The following ZFHX3 variants were observed in gnomAD, a reference collection of about 807,000 sequenced individuals.
The protein encoded by ZFHX3 is zinc finger homeobox 3, also known as zinc finger homeobox protein 3.
A neutral mutation model predicts 279.1 loss-of-function variants in ZFHX3; 42 were observed. The ratio of observed to expected loss-of-function variants is 0.15; its 90% CI spans 0.12 to 0.19. ZFHX3 has a LOEUF of 0.19. ZFHX3 is among the 10% of genes least tolerant of loss of function. The probability of loss-of-function intolerance (pLI) is 1.00; values close to 1 mark genes in which losing one functional copy is unlikely to be tolerated. For missense variants in ZFHX3, 4,981 were observed against 4,754.0 expected (o/e 1.05, Z -1.40); for synonymous variants, 2,293 against 1,957.8 (o/e 1.17, Z -4.52).
chr16:73,425,556 C>T (rs929235316), intron 3 of ZFHX3, among the ~76,000 whole-genome samples: 2 of 152,186 alleles, frequency 1.3e-5, no homozygotes, highest in South Asian at 2.1e-4. Flanking sequence ...GAAACCAGAG[C>T]CTAGGTGTTT....
At chr16:73,058,736 G>C in exon 1 of ZFHX3, 1 of 157,046 alleles carries the variant, frequency 6.4e-6, no homozygotes, top group Admixed American at 6.6e-5. Flanking sequence ...CGGAGCTGGA[G>C]CGCGCTCGGC....
chr16:72,991,932 G>A (rs946395462), intron 1 of ZFHX3, among the ~76,000 whole-genome samples: 2 of 152,208 alleles, frequency 1.3e-5, no homozygotes, highest in Non-Finnish European at 2.9e-5. Context: ...AATTGCTCGG[G>A]ATGATGCTAA....
intron 5 of ZFHX3, among the ~76,000 whole-genome samples, chr16:73,188,588 C>T (rs1027114819): frequency 6.6e-6 from 1 of 152,174 alleles, no homozygotes; most frequent in Non-Finnish European, 1.5e-5. Flanking sequence ...CCTGACTAAA[C>T]TATTGTGAAG....
intron 1 of ZFHX3, among the ~76,000 whole-genome samples, chr16:73,753,158 C>T (rs983166946): frequency 2.0e-5 from 3 of 152,156 alleles, no homozygotes; most frequent in Non-Finnish European, 2.9e-5. Context: ...CCATAAGCTA[C>T]ATTCAGGCAT....
intron 1 of ZFHX3, among the ~76,000 whole-genome samples, chr16:72,980,778 A>G (rs903783346): frequency 1.3e-5 from 2 of 152,134 alleles, no homozygotes; most frequent in African/African-American, 2.4e-5. Context: ...TTGTTAGGGA[A>G]TAATATTATG....
At chr16:73,054,443 T>C (rs1234714036) in intron 1 of ZFHX3, among the ~76,000 whole-genome samples, 2 of 31,158 alleles carry the variant, frequency 6.4e-5, no homozygotes, top group Non-Finnish European at 1.2e-4. Context: ...ACCAGGAGGA[T>C]TTTTTTTTTT....
At chr16:73,011,677 C>T (rs959143244) in intron 1 of ZFHX3, among the ~76,000 whole-genome samples, 13 of 151,890 alleles carry the variant, frequency 8.6e-5, no homozygotes, top group South Asian at 2.1e-4. Context: ...GCATGGATAT[C>T]ATGCCACTGC....
At position 72,997,479 on chromosome 16, in the gene ZFHX3, C is replaced by A. The variant is rs908954112; in HGVS notation, c.-49-37285G>T. Among the ~76,000 whole-genome samples the A allele has an allele frequency of 2.6e-5, 4 of 152,186 alleles. No individual in the cohort carries two copies. In the East Asian group the frequency reaches 7.7e-4, roughly 29 times the overall value. On this transcript the variant is annotated intron_variant, in intron 1 of 9. Transcript: ENST00000268489. ...TGCCTCTGCCTCACCAAGGAGGCAGCGACTCAGTCTTCTCGCTACACATCT... is the reference window on the plus strand; with the variant it reads ...TGCCTCTGCCTCACCAAGGAGGCAGAGACTCAGTCTTCTCGCTACACATCT...
intron 1 of ZFHX3, among the ~76,000 whole-genome samples, chr16:73,800,686 G>T (rs921721498): frequency 6.6e-6 from 1 of 152,040 alleles, no homozygotes; most frequent in East Asian, 1.9e-4. Flanking sequence ...TTTCTCAATT[G>T]GTTTCTGAGT....
intron 1 of ZFHX3, among the ~76,000 whole-genome samples, chr16:73,687,815 T>TG (rs2053105314): frequency 1.5e-5 from 2 of 134,648 alleles, no homozygotes; most frequent in African/African-American, 6.0e-5. Context: ...GCCACTGCAC[T>TG]CCAAACTGGT....
rs2143419936 is a variant in ZFHX3, at chr16:72,795,710, G to A, written c.6972C>T (p.Ser2324=). The change falls in exon 9 of 10, where the codon AGC becomes AGT. Residue 2324 remains serine, a synonymous_variant. Coordinates refer to ENST00000268489, the MANE Select transcript of ZFHX3 (RefSeq NM_006885.4). ...ELTNDRYIRT[S]NLNYQCKKCS... The stretch of plus-strand genomic sequence containing the variant: ...ATTTTTTGCACTGGTAGTTCAAGTT[G>A]CTTGTTCGAATGTATCTATCATTTG... The A allele has an allele frequency of 1.9e-6, 3 of 1,614,088 alleles. No individual in the cohort carries two copies. The highest frequency in any genetic ancestry group is 2.5e-6 in the Non-Finnish European group (3 of 1,180,018).
chr16:73,309,910 T>G (rs2015285538), intron 4 of ZFHX3, among the ~76,000 whole-genome samples: 1 of 66,342 alleles, frequency 1.5e-5, no homozygotes, highest in African/African-American at 7.2e-5. Context: ...TCTTGCCTTT[T>G]TTTTTTTTTT....
rs1212765553 is a variant in ZFHX3 at position 72,829,814 on chromosome 16, T to C, written c.3494A>G (p.Asp1165Gly). 2 of 1,614,194 alleles carry C rather than the reference T, an allele frequency of 1.2e-6. No individual in the cohort carries two copies. Among genetic ancestry groups the C allele is most frequent in the Non-Finnish European group, 1.7e-6 (2 of 1,180,030 alleles). Reference protein sequence around the residue: ...DVEGPSETAADPEELAKDQEG... With the variant: ...DVEGPSETAAGPEELAKDQEG... ...TTGGTCCTTAGCAAGCTCCTCTGGA[T>C]CAGCAGCTGTTTCACTGGGTCCTTC... Residue 1165 changes from aspartate (D) to glycine (G), a missense_variant, in exon 5 of 10, where the codon GAT (aspartate) becomes GGT (glycine). Around this residue, in one of 7 missense-constraint regions of ZFHX3, gnomAD observed 1,751 missense variants for 1,770.0 expected, o/e 0.99. Transcript: ENST00000268489.
chr16:73,548,479 T>TTTA (rs71156171), intron 2 of ZFHX3, among the ~76,000 whole-genome samples: 27 of 150,484 alleles, frequency 1.8e-4, no homozygotes, highest in African/African-American at 4.6e-4. Context: ...TTTTTTTTTT[T>TTTA]AAAAAAAAGT....
chr16:73,130,027 G>A (rs1966649484), intron 7 of ZFHX3, among the ~76,000 whole-genome samples: 1 of 152,112 alleles, frequency 6.6e-6, no homozygotes, highest in Non-Finnish European at 1.5e-5. Flanking sequence ...GAATGCAGAG[G>A]CGAAAGCTCT....
chr16:73,136,445 C>T (rs867990732), intron 6 of ZFHX3, among the ~76,000 whole-genome samples: 7 of 151,930 alleles, frequency 4.6e-5, no homozygotes, highest in Middle Eastern at 3.4e-3. Flanking sequence ...TAATGGCCAA[C>T]GGGAGCGGTG....
chr16:73,651,680 C>CAAAAAAAAAAAA (rs57386925), intron 2 of ZFHX3, among the ~76,000 whole-genome samples: 1 of 41,660 alleles, frequency 2.4e-5, no homozygotes, highest in African/African-American at 6.5e-5. Flanking sequence ...ACTAAAAATA[C>CAAAAAAAAAAAA]AAAAAAAAAA....
intron 1 of ZFHX3, among the ~76,000 whole-genome samples, chr16:73,720,099 A>G (rs2053459617): frequency 6.6e-6 from 1 of 152,204 alleles, no homozygotes; most frequent in Non-Finnish European, 1.5e-5. Flanking sequence ...CTAATAATCA[A>G]TGAGATGGAA....
chr16:72,833,070 T>C (rs190183735), intron 4 of ZFHX3, among the ~76,000 whole-genome samples: 2 of 152,346 alleles, frequency 1.3e-5, no homozygotes, highest in African/African-American at 2.4e-5. Flanking sequence ...AGGCCCACGA[T>C]GCTTTGCAGG....
Sources: gnomAD v4.1 joint callset for allele counts (sites outside exome capture counted in the v4.1 genomes callset) on GRCh38, gnomAD v4.1.1 for gene constraint, gnomAD v4.1.1 regional missense constraint, MANE v1.5 for transcripts, NCBI Gene and HGNC (gene_info 2026-07-23, HGNC 2026-07-21) for gene names.